Variants in XIAP observed in about 807,000 individuals in gnomAD.
XIAP encodes the protein E3 ubiquitin-protein ligase XIAP.
In XIAP, 3 loss-of-function variants were observed where a neutral mutation model predicts 33.1. That is an observed-to-expected ratio of 0.09 (90% CI 0.04 to 0.23). The LOEUF (loss-of-function observed/expected upper bound fraction) is 0.23, where lower values mean the gene tolerates loss of function less well. Among genes scored for constraint, XIAP ranks in the 10% least tolerant of loss-of-function variants. The pLI, the probability that XIAP is intolerant of heterozygous loss-of-function variation, is 1.00. For missense variants in XIAP, 264 were observed against 363.0 expected (o/e 0.73, Z 2.22); for synonymous variants, 98 against 121.3 (o/e 0.81, Z 1.26).
rs749597959 is a variant in XIAP, at chrX:123,888,674, G to T, written c.933G>T (p.Lys311Asn). The T allele has an allele frequency of 7.4e-6, 9 of 1,210,343 alleles. No individual in the cohort carries two copies. The highest frequency in any genetic ancestry group is 8.9e-6 in the Non-Finnish European group (8 of 895,247). The change falls in exon 3 of 7, where the codon AAG (lysine) becomes AAT (asparagine). Residue 311 changes from lysine (K) to asparagine (N), a missense_variant. By Grantham distance (94) the Lys-to-Asn change is moderately conservative (BLOSUM62 0). Transcript: ENST00000371199. ...FHCGGGLTDW[K>N]PSEDPWEQHA... is the part of the protein sequence containing the mutation. Reference sequence around the variant, plus strand: ...GTGGAGGAGGGCTAACTGATTGGAAGCCCAGTGAAGACCCTTGGGAACAAC... The same window carrying T: ...GTGGAGGAGGGCTAACTGATTGGAATCCCAGTGAAGACCCTTGGGAACAAC...
In XIAP at chrX:123,900,533, A is replaced by G. The variant is rs1213065252; in HGVS notation, c.1140A>G (p.Ile380Met). ...IFQNPMVQEA[I>M]RMGFSFKDIK... ...AAAATCCTATGGTACAAGAAGCTAT[A>G]CGAATGGGGTTCAGTTTCAAGGACA... Residue 380 changes from isoleucine to methionine, a missense_variant, in exon 6 of 7, where the codon ATA becomes ATG. By Grantham distance (10) the Ile-to-Met change is conservative. Transcript: ENST00000371199. The G allele has an allele frequency of 3.3e-6, 4 of 1,209,593 alleles. No homozygotes were observed. The highest frequency in any genetic ancestry group is 4.5e-6 in the Non-Finnish European group (4 of 894,884).
chrX:123,911,617 G>T lies in XIAP; in HGVS notation c.*4436G>T, dbSNP rs1236361704. On this transcript the variant is annotated 3_prime_UTR_variant, in exon 7 of 7. Transcript: ENST00000371199. ...CACTTGAGCCCATGAATTTGAGGCA[G>T]CAGTGAGCTATGATTGTGCCACTGT... 3.1e-6 allele frequency: 1 copy of T among 320,033 alleles called. No individual in the cohort carries two copies. Among genetic ancestry groups the T allele is most frequent in the South Asian group, 2.8e-5 (1 of 36,058 alleles). The allele number at this position is 320,033 out of a possible 1,213,427, so 26.4% of individuals were successfully genotyped here. A position where few individuals can be genotyped will look rare whatever the true frequency, so the allele number is the denominator to read the frequency against.
chrX:123,868,192 C>T (rs779766672), intron 1 of XIAP, among the ~76,000 whole-genome samples: 1 of 109,783 alleles, frequency 9.1e-6, no homozygotes, highest in Non-Finnish European at 1.9e-5. Flanking sequence ...TGTGATGGCA[C>T]GCGCCTGTGA....
intron 5 of XIAP, among the ~76,000 whole-genome samples, chrX:123,899,147 ATATATATATATATATATATGATTTT>A (rs2053489986): frequency 2.3e-5 from 1 of 42,595 alleles, no homozygotes; most frequent in Non-Finnish European, 4.2e-5. Flanking sequence ...AAAAAAAAAT[ATATATATATATATATATATGATTTT>A]ATATATATAT....
chrX:123,898,083 C>T (rs781174499), intron 5 of XIAP, among the ~76,000 whole-genome samples: 2 of 111,965 alleles, frequency 1.8e-5, no homozygotes, highest in South Asian at 3.7e-4. Context: ...CTTTTTTCTC[C>T]TGTATTGGTT....
chrX:123,870,459 T>A (rs1439157237), intron 1 of XIAP, among the ~76,000 whole-genome samples: 1 of 111,961 alleles, frequency 8.9e-6, no homozygotes, highest in East Asian at 2.8e-4. Flanking sequence ...TTTAAAAAAA[T>A]TAAAACCTAG....
chrX:123,869,362 C>CAAAAAAA lies in XIAP; in HGVS notation c.-33+9085_-33+9091dup, dbSNP rs57436822. On this transcript the variant is annotated intron_variant, in intron 1 of 6. Coordinates refer to ENST00000371199, the MANE Select transcript of XIAP (RefSeq NM_001167.4). ...AAACCCCATCTCTACTAAAAAAATACAAAAAAAAAAAAAAAAAAAAAAGCT... is the reference window on the plus strand; with the variant it reads ...AAACCCCATCTCTACTAAAAAAATACAAAAAAAAAAAAAAAAAAAAAAAAAAAAAGCT... Among the ~76,000 whole-genome samples the CAAAAAAA allele has an allele frequency of 5.6e-3, 165 of 29,719 alleles. 7 individuals are homozygous for CAAAAAAA. Among genetic ancestry groups the CAAAAAAA allele is most frequent in the African/African-American group, 0.018 (118 of 6,662 alleles). The allele number at this position is 29,719 out of a possible 115,157, so 25.8% of individuals were successfully genotyped here.
chrX:123,868,944 T>G (rs1810586848), intron 1 of XIAP, among the ~76,000 whole-genome samples: 1 of 111,306 alleles, frequency 9.0e-6, no homozygotes, highest in African/African-American at 3.3e-5. Context: ...TATGATTTGG[T>G]ACCCAGTCTT....
intron 6 of XIAP, among the ~76,000 whole-genome samples, chrX:123,901,423 G>A (rs2053513503): frequency 9.0e-6 from 1 of 111,335 alleles, no homozygotes; most frequent in Admixed American, 9.7e-5. Context: ...GATGGACACT[G>A]TAGTGCTTGC....
chrX:123,888,467 A>T lies in XIAP; in HGVS notation c.878-152A>T, dbSNP rs762674990. On this transcript the variant is annotated intron_variant, in intron 2 of 6. Transcript: ENST00000371199. ...ATTTCTTCCTCAAAGGATAAAAATC[A>T]TATCTGTTACTTAGATGTGAATTTG... The T allele has an allele frequency of 3.8e-5, 20 of 526,445 alleles. No individual in the cohort carries two copies. The South Asian group carries it at 4.8e-4, about 13-fold the overall frequency. The allele number at this position is 526,445 out of a possible 1,213,427, so 43.4% of individuals were successfully genotyped here.
chrX:123,910,729 G>C lies in XIAP; in HGVS notation c.*3548G>C. The stretch of plus-strand genomic sequence containing the variant: ...CTAAAAAACAGAAAATTAGCCGGGC[G>C]TGGTGGCGGGCGCCTGTAGTCCCAG... On this transcript the variant is annotated 3_prime_UTR_variant, in exon 7 of 7. Transcript: ENST00000371199. 1 of 283,620 alleles carries C rather than the reference G, an allele frequency of 3.5e-6. No individual in the cohort carries two copies. The highest frequency in any genetic ancestry group is 3.3e-5 in the South Asian group (1 of 30,317). The allele number at this position is 283,620 out of a possible 1,213,427, so 23.4% of individuals were successfully genotyped here. A position where few individuals can be genotyped will look rare whatever the true frequency, so the allele number is the denominator to read the frequency against.
chrX:123,871,232 C>A (rs763015850), intron 1 of XIAP, among the ~76,000 whole-genome samples: 46 of 109,892 alleles, frequency 4.2e-4, no homozygotes, highest in African/African-American at 1.5e-3. Flanking sequence ...TGAGCCACCA[C>A]ACCTGGCCAT....
intron 2 of XIAP, 33 bp from the exon 3 acceptor site, chrX:123,888,586 C>T: frequency 8.6e-7 from 1 of 1,158,665 alleles, no homozygotes; most frequent in Non-Finnish European, 1.2e-6. Context: ...CTTCTAATTG[C>T]ACAAATACAT....
intron 5 of XIAP, among the ~76,000 whole-genome samples, chrX:123,898,124 T>C (rs766937265): frequency 8.9e-6 from 1 of 111,798 alleles, no homozygotes; most frequent in Non-Finnish European, 1.9e-5. Flanking sequence ...GGTTGCCCAG[T>C]AATTTATGTT....
At chrX:123,904,098 T>G (rs1032435695) in intron 6 of XIAP, among the ~76,000 whole-genome samples, 2 of 111,897 alleles carry the variant, frequency 1.8e-5, no homozygotes, top group Non-Finnish European at 3.8e-5. Flanking sequence ...TTTGTTTGTT[T>G]GTTTGTTTCT....
chrX:123,868,234 A>G, intron 1 of XIAP, among the ~76,000 whole-genome samples: 1 of 111,259 alleles, frequency 9.0e-6, no homozygotes, highest in African/African-American at 3.3e-5. Context: ...TCAAGGTGGC[A>G]GTGAGCCATG....
intron 1 of XIAP, among the ~76,000 whole-genome samples, chrX:123,875,028 T>A (rs191349618): frequency 0.012 from 1,196 of 102,971 alleles, 16 homozygotes; most frequent in African/African-American, 0.033. Context: ...GGATTTATTT[T>A]TTTTTTTTTT....
intron 1 of XIAP, among the ~76,000 whole-genome samples, chrX:123,877,931 G>A (rs1225921913): frequency 1.9e-5 from 2 of 107,393 alleles, no homozygotes; most frequent in Admixed American, 1.0e-4. Flanking sequence ...CCGAGATCGC[G>A]CCACTGCACT....
rs60072113 is a variant in XIAP, at chrX:123,890,469, C to CA, written c.978-758dup. 6.0e-3 allele frequency among the ~76,000 whole-genome samples: 578 copies of CA among 96,924 alleles called. 4 individuals carry two copies. The highest frequency in any genetic ancestry group is 0.02 in the African/African-American group (529 of 26,659). 84.2% of individuals were successfully genotyped at this position (96,924 alleles called of 115,157 possible). ...TAAGACCCTGTCTCTACAAAAAATA[C>CA]AAAAAAAAAAATTAGCCAGTCATGA... On this transcript the variant is annotated intron_variant, in intron 3 of 6. Transcript: ENST00000371199.
Sources: allele counts gnomAD v4.1 joint callset (sites outside exome capture counted in the v4.1 genomes callset), GRCh38; gene constraint gnomAD v4.1.1; transcripts MANE v1.5; gene names NCBI Gene and HGNC (gene_info 2026-07-23, HGNC 2026-07-21).